The following FAM178B variants were observed in gnomAD, a reference collection of about 807,000 sequenced individuals.
The protein encoded by FAM178B is family with sequence similarity 178 member B, also known as protein FAM178B.
Under a neutral mutation model 91.7 loss-of-function variants are expected in FAM178B, and 82 were observed. The observed-to-expected ratio is 0.89, with a 90% CI of 0.75 to 1.07. The LOEUF is 1.07. FAM178B is among the 50% of genes least tolerant of loss of function. FAM178B has a pLI of 0.00. For synonymous variants in FAM178B, 368 were observed against 359.4 expected (o/e 1.02, Z -0.27); for missense variants, 769 against 846.7 (o/e 0.91, Z 1.14).
At chr2:96,884,514 A>G (rs577504141) in intron 14 of FAM178B, among the ~76,000 whole-genome samples, 16 of 152,318 alleles carry the variant, frequency 1.1e-4, no homozygotes, top group African/African-American at 3.8e-4. Flanking sequence ...AACAGCGATG[A>G]ATCATGAGTA....
chr2:96,878,278 C>A, intron 15 of FAM178B, 138 bp downstream of exon 15: 1 of 899,502 alleles, frequency 1.1e-6, no homozygotes, highest in Non-Finnish European at 1.7e-6. Context: ...GGCTCTCCCA[C>A]GCTGGCTTCC....
intron 14 of FAM178B, among the ~76,000 whole-genome samples, chr2:96,878,951 G>A (rs2080313178): frequency 1.3e-5 from 2 of 152,224 alleles, no homozygotes; most frequent in Non-Finnish European, 1.5e-5. Flanking sequence ...GGAGAGATGG[G>A]AGCCGAAGGT....
chr2:96,905,974 C>T (rs1412326587), intron 12 of FAM178B, among the ~76,000 whole-genome samples: 3 of 144,904 alleles, frequency 2.1e-5, no homozygotes, highest in Non-Finnish European at 4.5e-5. Context: ...TCGGTTCAAG[C>T]GATTCTCCTG....
intron 14 of FAM178B, among the ~76,000 whole-genome samples, chr2:96,884,629 T>C (rs1305111711): frequency 6.6e-6 from 1 of 152,180 alleles, no homozygotes; most frequent in African/African-American, 2.4e-5. Flanking sequence ...CGAAAGGGGA[T>C]GCATTTTCCT....
chr2:96,881,452 C>T lies in FAM178B; in HGVS notation c.1777-2959G>A, dbSNP rs533059823. Among the ~76,000 whole-genome samples, 27 of 151,594 alleles carry T rather than the reference C, an allele frequency of 1.8e-4. 1 individual carries two copies. The South Asian group carries it at 4.8e-3, about 27-fold the overall frequency. On this transcript the variant is annotated intron_variant, in intron 14 of 16. Coordinates refer to ENST00000490605, the MANE Select transcript of FAM178B (RefSeq NM_001122646.3). ...GGAGAATGTGTGGGACTGGGAGGGG[C>T]GAAAGGGGGCCTGTCCCTCTCAGAC...
chr2:96,960,839 G>A (rs960659689), intron 5 of FAM178B, among the ~76,000 whole-genome samples: 1 of 152,166 alleles, frequency 6.6e-6, no homozygotes, highest in Non-Finnish European at 1.5e-5. Context: ...CCTACAGGGC[G>A]GCTCCATAAG....
intron 8 of FAM178B, among the ~76,000 whole-genome samples, chr2:96,942,419 G>C (rs1212943906): frequency 2.6e-5 from 4 of 152,208 alleles, no homozygotes; most frequent in African/African-American, 9.7e-5. Context: ...TTCAGACGGA[G>C]TCTCGCTCTG....
rs188345795 is a variant in FAM178B at position 96,891,791 on chromosome 2, G to A, written c.1776+2135C>T. On this transcript the variant is annotated intron_variant, in intron 14 of 16. Coordinates refer to ENST00000490605, the MANE Select transcript of FAM178B (RefSeq NM_001122646.3). Reference sequence around the variant, plus strand: ...GCTGGAGGAGGGCTGTGACCCAGCCGCACAGGGCAGGAAATCTCCCAGACA... The same window carrying A: ...GCTGGAGGAGGGCTGTGACCCAGCCACACAGGGCAGGAAATCTCCCAGACA... 1.4e-4 allele frequency among the ~76,000 whole-genome samples: 22 copies of A among 152,258 alleles called. 1 individual carries two copies. In the South Asian group the frequency reaches 2.3e-3, roughly 16 times the overall value.
At chr2:96,914,752 G>A (rs2081214121) in intron 12 of FAM178B, among the ~76,000 whole-genome samples, 1 of 151,988 alleles carries the variant, frequency 6.6e-6, no homozygotes, top group Admixed American at 6.6e-5. Flanking sequence ...TAGCTAGGTG[G>A]GATGGTGCAT....
chr2:96,960,278 C>G lies in FAM178B; in HGVS notation c.887+10G>C, dbSNP rs756906337. Reference sequence around the variant, plus strand: ...TGCGCCACCCCCTCACCCCTCCTCCCCACACTTACCTGAGGAACAGCCCTT... The same window carrying G: ...TGCGCCACCCCCTCACCCCTCCTCCGCACACTTACCTGAGGAACAGCCCTT... On this transcript the variant is annotated intron_variant, in intron 6 of 16. Coordinates refer to ENST00000490605, the MANE Select transcript of FAM178B (RefSeq NM_001122646.3). 3.2e-6 allele frequency: 5 copies of G among 1,551,596 alleles called. No individual in the cohort carries two copies. The highest frequency in any genetic ancestry group is 8.7e-7 in the Non-Finnish European group (1 of 1,146,968).
chr2:96,959,345 T>A (rs1160354193), intron 6 of FAM178B, among the ~76,000 whole-genome samples: 4 of 152,136 alleles, frequency 2.6e-5, no homozygotes, highest in African/African-American at 9.6e-5. Flanking sequence ...TGGTTCTCTA[T>A]ACTTTGATAT....
chr2:96,950,948 G>A (rs1163744723), intron 7 of FAM178B, among the ~76,000 whole-genome samples: 5 of 152,166 alleles, frequency 3.3e-5, no homozygotes, highest in Non-Finnish European at 7.3e-5. Flanking sequence ...CGCTGCGTAT[G>A]GGATGAGGGA....
chr2:96,890,148 G>A (rs1262078370), intron 14 of FAM178B, among the ~76,000 whole-genome samples: 2 of 152,022 alleles, frequency 1.3e-5, no homozygotes, highest in African/African-American at 2.4e-5. Context: ...GGTGGCACGC[G>A]CCTGTAATCC....
chr2:96,904,699 G>T (rs894471973), intron 12 of FAM178B, among the ~76,000 whole-genome samples: 1 of 151,718 alleles, frequency 6.6e-6, no homozygotes, highest in East Asian at 1.9e-4. Flanking sequence ...CAGCCAACAG[G>T]GTCTCATTTA....
chr2:96,883,620 T>C (rs1234750737), intron 14 of FAM178B, among the ~76,000 whole-genome samples: 1 of 152,140 alleles, frequency 6.6e-6, no homozygotes, highest in Non-Finnish European at 1.5e-5. Context: ...TGTGTGTGTG[T>C]TGGGGGGAGA....
In FAM178B at chr2:96,921,550, G is replaced by A. The variant is rs2081339735; in HGVS notation, c.1392C>T (p.Arg464=). The change falls in exon 11 of 17, where the codon CGC becomes CGT. Residue 464 remains arginine, a synonymous_variant. Coordinates refer to ENST00000490605, the MANE Select transcript of FAM178B (RefSeq NM_001122646.3). ...LCRTSLDVGL[R]LLPKVDLQQL... is the part of the protein sequence containing the mutation. ...GCTGGAGGTCAACTTTGGGCAGCAGGCGGAGCCCCACGTCCAGGCTGGTGC... is the reference window on the plus strand; with the variant it reads ...GCTGGAGGTCAACTTTGGGCAGCAGACGGAGCCCCACGTCCAGGCTGGTGC... 6.4e-7 allele frequency: 1 copy of A among 1,551,584 alleles called. No individual in the cohort carries two copies. The highest frequency in any genetic ancestry group is 1.4e-5 in the African/African-American group (1 of 73,026).
intron 14 of FAM178B, among the ~76,000 whole-genome samples, chr2:96,886,112 T>C (rs1320948682): frequency 2.0e-5 from 3 of 152,200 alleles, no homozygotes; most frequent in Non-Finnish European, 4.4e-5. Context: ...ACAAGGCCAC[T>C]GCCCGTGACT....
chr2:96,980,662 G>A (rs962325878), intron 1 of FAM178B, among the ~76,000 whole-genome samples: 5 of 152,062 alleles, frequency 3.3e-5, no homozygotes, highest in African/African-American at 4.8e-5. Context: ...CCTGGCCTCC[G>A]AAAGTGCTGG....
intron 12 of FAM178B, 98 bp downstream of exon 12, chr2:96,921,067 G>A: frequency 1.1e-6 from 1 of 927,008 alleles, no homozygotes; most frequent in Non-Finnish European, 1.7e-6. Context: ...ATTGGGCAGG[G>A]GAGGTTTGTT....
Sources: gnomAD v4.1 joint callset for allele counts (sites outside exome capture counted in the v4.1 genomes callset) on GRCh38, gnomAD v4.1.1 for gene constraint, MANE v1.5 for transcripts, NCBI Gene and HGNC (gene_info 2026-07-23, HGNC 2026-07-21) for gene names.